The following CACNA1C variants were observed in gnomAD, a reference collection of about 807,000 sequenced individuals.
CACNA1C encodes voltage-dependent L-type calcium channel subunit alpha-1C.
CACNA1C carries 30 observed loss-of-function variants against 229.0 expected under a neutral mutation model. The ratio of observed to expected loss-of-function variants is 0.13; its 90% CI spans 0.10 to 0.18. The LOEUF is 0.18. CACNA1C is among the 10% of genes least tolerant of loss of function. The probability of loss-of-function intolerance (pLI) is 1.00; values close to 1 mark genes in which losing one functional copy is unlikely to be tolerated. For synonymous variants in CACNA1C, 1,114 were observed against 1,132.5 expected (o/e 0.98, Z 0.33); for missense variants, 1,658 against 2,845.0 (o/e 0.58, Z 9.49).
chr12:2,662,476 C>T (rs1435081046), intron 34 of CACNA1C, among the ~76,000 whole-genome samples: 1 of 152,060 alleles, frequency 6.6e-6, no homozygotes, highest in Non-Finnish European at 1.5e-5. Context: ...TGAAACTATA[C>T]CATTTTAAAT....
At chr12:2,583,143 G>A (rs1420084199) in intron 15 of CACNA1C, among the ~76,000 whole-genome samples, 7 of 152,160 alleles carry the variant, frequency 4.6e-5, no homozygotes, top group Non-Finnish European at 8.8e-5. Context: ...TGAACCCTCC[G>A]GGCCCGCAGC....
intron 3 of CACNA1C, among the ~76,000 whole-genome samples, chr12:2,289,987 C>T (rs971388527): frequency 3.9e-5 from 6 of 152,188 alleles, no homozygotes; most frequent in Non-Finnish European, 5.9e-5. Flanking sequence ...TGTCCAAAAT[C>T]GCACAGCTAG....
intron 18 of CACNA1C, 67 bp from the exon 19 acceptor site, chr12:2,593,146 G>A: frequency 6.5e-7 from 1 of 1,547,714 alleles, no homozygotes; most frequent in East Asian, 2.3e-5. Context: ...CAGTAGGAAG[G>A]TCTCTGAAAG....
Position 2,080,279 on chromosome 12 carries a change from A to AAAAAAAACC in CACNA1C, c.49+26676_49+26677insCAAAAAAAC, listed in dbSNP as rs1565556301. Among the ~76,000 whole-genome samples, 7 of 151,092 alleles carry AAAAAAAACC rather than the reference A, an allele frequency of 4.6e-5. No individual in the cohort carries two copies. The South Asian group carries it at 1.3e-3, about 27-fold the overall frequency. On this transcript the variant is annotated intron_variant, in intron 1 of 46. Transcript: ENST00000399655. ...CCTGTCTCAAACAAAAAACAAAAAC[A>AAAAAAAACC]AAAAAAACAAATAAAATAACCTTGT... is the stretch of plus-strand genomic sequence containing the variant.
rs560622009 is a variant in CACNA1C, at chr12:2,045,362, G to A, written c.140-69862G>A. On this transcript the variant is annotated intron_variant, in intron 1 of 46. Coordinates refer to the CACNA1C transcript ENST00000682462. Reference sequence around the variant, plus strand: ...AATACGTTTGAACTGGCCTGGAACAGTTAAGAAGGTAAAGGGGTTAGGGAG... The same window carrying A: ...AATACGTTTGAACTGGCCTGGAACAATTAAGAAGGTAAAGGGGTTAGGGAG... Among the ~76,000 whole-genome samples, 7 of 152,338 alleles carry A rather than the reference G, an allele frequency of 4.6e-5. No individual in the cohort carries two copies. In the South Asian group the frequency reaches 1.5e-3, roughly 32 times the overall value.
intron 3 of CACNA1C, among the ~76,000 whole-genome samples, chr12:2,148,710 G>A (rs2094951570): frequency 1.3e-5 from 2 of 150,894 alleles, no homozygotes; most frequent in East Asian, 3.9e-4. Context: ...CACTACACCC[G>A]GCGAGTTTTT....
chr12:2,311,747 G>T (rs998079350), intron 3 of CACNA1C, among the ~76,000 whole-genome samples: 1 of 152,194 alleles, frequency 6.6e-6, no homozygotes, highest in Non-Finnish European at 1.5e-5. Context: ...TCTCATACTT[G>T]CCTGATAAAA....
chr12:2,350,469 C>T (rs571987570), intron 3 of CACNA1C, among the ~76,000 whole-genome samples: 1 of 152,340 alleles, frequency 6.6e-6, no homozygotes, highest in Non-Finnish European at 1.5e-5. Flanking sequence ...GACAGTCTGG[C>T]TCCAGAATCT....
In CACNA1C at chr12:2,646,764, G is replaced by A. The variant is rs1460486010; in HGVS notation, c.3913-1711G>A. On this transcript the variant is annotated intron_variant, in intron 30 of 46. Coordinates refer to ENST00000399655, the MANE Select transcript of CACNA1C (RefSeq NM_000719.7). The surrounding 1 kb of genome is among the most constrained non-coding windows in gnomAD (Gnocchi z 4.6). ...TGCATGCCTGTATGAGAGAGAGAGA[G>A]AGAAAGAGAGAGAGAGAGAGAGAGA... Among the ~76,000 whole-genome samples, 6 of 64,562 alleles carry A rather than the reference G, an allele frequency of 9.3e-5. No homozygotes were observed. The highest frequency in any genetic ancestry group is 4.4e-4 in the East Asian group (1 of 2,294). The allele number at this position is 64,562 out of a possible 152,430, so 42.4% of individuals were successfully genotyped here. A position where few individuals can be genotyped will look rare whatever the true frequency, so the allele number is the denominator to read the frequency against.
intron 1 of CACNA1C, among the ~76,000 whole-genome samples, chr12:2,003,851 G>T (rs1324943065): frequency 6.6e-6 from 1 of 152,042 alleles, no homozygotes; most frequent in African/African-American, 2.4e-5. Context: ...CCCCATCTAA[G>T]ACTGACATTC....
At chr12:2,282,306 T>C (rs1292637067) in intron 3 of CACNA1C, among the ~76,000 whole-genome samples, 4 of 152,178 alleles carry the variant, frequency 2.6e-5, no homozygotes, top group Non-Finnish European at 5.9e-5. Flanking sequence ...CTCCCTCTTC[T>C]TCTTTCCTAT....
intron 1 of CACNA1C, among the ~76,000 whole-genome samples, chr12:2,026,277 G>A (rs1042919975): frequency 6.6e-6 from 1 of 152,244 alleles, no homozygotes; most frequent in Non-Finnish European, 1.5e-5. Context: ...AGTACTTATT[G>A]GCTCTGCTAA....
At chr12:2,192,011 C>G (rs970340762) in intron 3 of CACNA1C, among the ~76,000 whole-genome samples, 1 of 151,854 alleles carries the variant, frequency 6.6e-6, no homozygotes, top group South Asian at 2.1e-4. Context: ...CACACACATA[C>G]GTTCACACAT....
At chr12:2,358,251 CTGTGTGTGTGTGTGTGTG>C (rs57191390) in intron 3 of CACNA1C, among the ~76,000 whole-genome samples, 3,390 of 136,102 alleles carry the variant, frequency 0.025, 75 homozygotes, top group South Asian at 0.047. Flanking sequence ...CGGCGTCCTC[CTGTGTGTGTGTGTGTGTG>C]TGTGTGTGTG....
intron 1 of CACNA1C, among the ~76,000 whole-genome samples, chr12:2,090,231 A>C (rs2070044826): frequency 6.6e-6 from 1 of 151,442 alleles, no homozygotes; most frequent in Non-Finnish European, 1.5e-5. Flanking sequence ...ATGGACTGAA[A>C]GTTCATCTGT....
chr12:2,405,352 A>G (rs1273573294), intron 3 of CACNA1C, among the ~76,000 whole-genome samples: 1 of 152,182 alleles, frequency 6.6e-6, no homozygotes, highest in Non-Finnish European at 1.5e-5. Flanking sequence ...CCACTGCCGC[A>G]GATGCAGAAC....
At chr12:2,340,963 G>A (rs7958614) in intron 3 of CACNA1C, among the ~76,000 whole-genome samples, 20,448 of 143,484 alleles carry the variant, frequency 0.14, 1,844 homozygotes, top group African/African-American at 0.28. Context: ...TCTCAAAAAA[G>A]AAAAAAAAAA....
intron 37 of CACNA1C, among the ~76,000 whole-genome samples, chr12:2,668,291 G>T (rs576878951): frequency 2.8e-4 from 43 of 152,268 alleles, no homozygotes; most frequent in African/African-American, 1.0e-3. Context: ...GGAAGTGAAG[G>T]TCTAATGAGG....
chr12:2,215,474 T>C lies in CACNA1C; in HGVS notation c.477+95044T>C, dbSNP rs575255209. Among the ~76,000 whole-genome samples, 1 of 152,258 alleles carries C rather than the reference T, an allele frequency of 6.6e-6. No individual in the cohort carries two copies. Among genetic ancestry groups the C allele is most frequent in the South Asian group, 2.1e-4 (1 of 4,824 alleles). The stretch of plus-strand genomic sequence containing the variant: ...GCGCTCTCCCTCCTCCTAGGCTTGG[T>C]TCCTCTCCTTCCTCGGGGCCTGATT... On this transcript the variant is annotated intron_variant, in intron 3 of 46. Coordinates refer to ENST00000399655, the MANE Select transcript of CACNA1C (RefSeq NM_000719.7). The surrounding 1 kb of genome is among the most constrained non-coding windows in gnomAD (Gnocchi z 5.0).
Sources: gnomAD v4.1 joint callset for allele counts (sites outside exome capture counted in the v4.1 genomes callset) on GRCh38, gnomAD v4.1.1 for gene constraint, Gnocchi (gnomAD v3.1) non-coding constraint, MANE v1.5 for transcripts, NCBI Gene and HGNC (gene_info 2026-07-23, HGNC 2026-07-21) for gene names.